The following UNC5D variants were observed in gnomAD, a reference collection of about 807,000 sequenced individuals.
UNC5D encodes netrin receptor UNC5D.
A neutral mutation model predicts 105.4 loss-of-function variants in UNC5D; 39 were observed. The ratio of observed to expected loss-of-function variants is 0.37; its 90% CI spans 0.29 to 0.48. The LOEUF (loss-of-function observed/expected upper bound fraction) is 0.48. Among genes scored for constraint, UNC5D ranks in the 20% least tolerant of loss-of-function variants. UNC5D has a pLI of 0.98. For synonymous variants in UNC5D, 452 were observed against 450.4 expected (o/e 1.00, Z -0.04); for missense variants, 991 against 1,202.4 (o/e 0.82, Z 2.60).
intron 1 of UNC5D, among the ~76,000 whole-genome samples, chr8:35,474,421 C>T (rs569142672): frequency 3.3e-4 from 50 of 152,158 alleles, no homozygotes; most frequent in Non-Finnish European, 5.3e-4. Context: ...ATAGAGATAG[C>T]GACTGTTGAG....
At chr8:35,330,308 G>A (rs1052675782) in intron 1 of UNC5D, among the ~76,000 whole-genome samples, 1 of 152,192 alleles carries the variant, frequency 6.6e-6, no homozygotes, top group African/African-American at 2.4e-5. Flanking sequence ...GGAAGATAAA[G>A]ATTTGGCTTA....
chr8:35,713,133 T>C (rs1828057733), intron 8 of UNC5D, among the ~76,000 whole-genome samples: 1 of 152,224 alleles, frequency 6.6e-6, no homozygotes, highest in African/African-American at 2.4e-5. Context: ...TTCAATGATT[T>C]TGCTGACTTT....
At chr8:35,712,757 G>A (rs932911531) in intron 8 of UNC5D, among the ~76,000 whole-genome samples, 3 of 152,142 alleles carry the variant, frequency 2.0e-5, no homozygotes, top group African/African-American at 7.2e-5. Context: ...GACTTGATTA[G>A]GATCTTGAAT....
At chr8:35,474,356 A>G (rs909367778) in intron 1 of UNC5D, among the ~76,000 whole-genome samples, 1 of 152,126 alleles carries the variant, frequency 6.6e-6, no homozygotes, top group African/African-American at 2.4e-5. Context: ...TGATTTTCCA[A>G]CTTATGTAGT....
chr8:35,712,883 A>C (rs1401815593), intron 8 of UNC5D, among the ~76,000 whole-genome samples: 2 of 152,122 alleles, frequency 1.3e-5, no homozygotes, highest in African/African-American at 2.4e-5. Context: ...CACTGTCTCA[A>C]ACTCTTTTTT....
intron 1 of UNC5D, among the ~76,000 whole-genome samples, chr8:35,495,363 A>G (rs1034662918): frequency 1.3e-5 from 2 of 150,896 alleles, no homozygotes; most frequent in African/African-American, 2.4e-5. Flanking sequence ...AGGGTGTCCA[A>G]TCTTTTAGCT....
chr8:35,550,821 A>G (rs1236540640), intron 2 of UNC5D, among the ~76,000 whole-genome samples: 1 of 152,216 alleles, frequency 6.6e-6, no homozygotes, highest in African/African-American at 2.4e-5. Context: ...TGTAAGTCAG[A>G]TGGGCATAAT....
intron 1 of UNC5D, among the ~76,000 whole-genome samples, chr8:35,291,581 C>G (rs1188807369): frequency 6.6e-6 from 1 of 152,158 alleles, no homozygotes; most frequent in African/African-American, 2.4e-5. Flanking sequence ...CTGGACTCAG[C>G]TTTCCCTGTA....
At chr8:35,407,598 G>A (rs1804890583) in intron 1 of UNC5D, among the ~76,000 whole-genome samples, 1 of 151,970 alleles carries the variant, frequency 6.6e-6, no homozygotes, top group East Asian at 1.9e-4. Flanking sequence ...AGGTAAACTT[G>A]TGTCATGGGG....
intron 1 of UNC5D, among the ~76,000 whole-genome samples, chr8:35,389,147 C>T (rs1803614092): frequency 6.6e-6 from 1 of 152,198 alleles, no homozygotes; most frequent in Admixed American, 6.5e-5. Flanking sequence ...ATCACAACCA[C>T]TTGTGGAATT....
At chr8:35,350,263 A>C (rs1440460448) in intron 1 of UNC5D, among the ~76,000 whole-genome samples, 1 of 151,938 alleles carries the variant, frequency 6.6e-6, no homozygotes, top group African/African-American at 2.4e-5. Flanking sequence ...AGCATGGATA[A>C]ACAAATTGTA....
At chr8:35,630,710 G>C (rs372127160) in intron 4 of UNC5D, among the ~76,000 whole-genome samples, 26 of 152,164 alleles carry the variant, frequency 1.7e-4, no homozygotes, top group Admixed American at 9.8e-4. Context: ...CGGGAAAAAG[G>C]CTGCTTAAAT....
intron 3 of UNC5D, among the ~76,000 whole-genome samples, chr8:35,592,419 G>A (rs982542212): frequency 1.3e-5 from 2 of 151,994 alleles, no homozygotes; most frequent in African/African-American, 4.8e-5. Context: ...TTAGAAATTG[G>A]ATCAGTTCCT....
At chr8:35,329,713 A>G (rs1318256769) in intron 1 of UNC5D, among the ~76,000 whole-genome samples, 5 of 152,168 alleles carry the variant, frequency 3.3e-5, no homozygotes, top group Admixed American at 2.0e-4. Context: ...GCCTAGTGCA[A>G]TTGCCCCAGG....
At chr8:35,306,205 A>G (rs1808402254) in intron 1 of UNC5D, among the ~76,000 whole-genome samples, 2 of 151,834 alleles carry the variant, frequency 1.3e-5, no homozygotes, top group African/African-American at 4.8e-5. Context: ...GGAACATTGG[A>G]ATCGGCGATG....
chr8:35,297,678 G>A (rs893040667), intron 1 of UNC5D, among the ~76,000 whole-genome samples: 1 of 152,030 alleles, frequency 6.6e-6, no homozygotes, highest in African/African-American at 2.4e-5. Flanking sequence ...GTGAGGGTGT[G>A]TAGATAAAGT....
At chr8:35,634,266 A>G (rs4739420) in intron 4 of UNC5D, among the ~76,000 whole-genome samples, 79,298 of 152,150 alleles carry the variant, frequency 0.52, 24,425 homozygotes, top group Non-Finnish European at 0.66. Flanking sequence ...TTTCCATTCA[A>G]TCAAGGCAAG....
chr8:35,641,643 T>G (rs1822749617), intron 4 of UNC5D, among the ~76,000 whole-genome samples: 1 of 152,168 alleles, frequency 6.6e-6, no homozygotes, highest in Non-Finnish European at 1.5e-5. Context: ...ATATGTATTC[T>G]GTATCATCTC....
intron 14 of UNC5D, among the ~76,000 whole-genome samples, chr8:35,760,158 C>G (rs1323420911): frequency 7.1e-6 from 1 of 140,118 alleles, no homozygotes. Flanking sequence ...ATTCTCCTGC[C>G]TCAGCCTCCT....
Sources: allele counts gnomAD v4.1 joint callset (sites outside exome capture counted in the v4.1 genomes callset), GRCh38; gene constraint gnomAD v4.1.1; transcripts MANE v1.5; gene names NCBI Gene and HGNC (gene_info 2026-07-23, HGNC 2026-07-21).